Variants in ANK1 observed in about 807,000 individuals in gnomAD.
The protein encoded by ANK1 is ankyrin-1.
A neutral mutation model predicts 210.4 loss-of-function variants in ANK1; 51 were observed. The ratio of observed to expected loss-of-function variants is 0.24; its 90% CI spans 0.19 to 0.31. ANK1 has a LOEUF of 0.31. Ranked by LOEUF, ANK1 falls within the 10% of genes least tolerant of loss-of-function variation. ANK1 has a pLI of 1.00. For missense variants in ANK1, 2,051 were observed against 2,504.4 expected, an observed-to-expected ratio of 0.82 and a Z score of 3.86; for synonymous variants, 967 against 1,025.9, an observed-to-expected ratio of 0.94 and a Z score of 1.10.
chr8:41,870,819 G>T (rs940419212), intron 1 of ANK1, among the ~76,000 whole-genome samples: 1 of 152,206 alleles, frequency 6.6e-6, no homozygotes, highest in African/African-American at 2.4e-5. Context: ...GCTCCGCTTG[G>T]CACAGGAGCA....
chr8:41,671,088 C>T (rs1174086985), intron 38 of ANK1, among the ~76,000 whole-genome samples: 1 of 152,352 alleles, frequency 6.6e-6, no homozygotes, highest in East Asian at 1.9e-4. Flanking sequence ...TGAGCCGGTC[C>T]TCGGCCGCAG....
chr8:41,726,652 G>A (rs112847741), intron 5 of ANK1, among the ~76,000 whole-genome samples: 5 of 152,270 alleles, frequency 3.3e-5, no homozygotes, highest in Middle Eastern at 3.4e-3. Context: ...CTCCCAAAGC[G>A]GTTGGATTAT....
chr8:41,804,942 A>C (rs1196995294), intron 1 of ANK1, among the ~76,000 whole-genome samples: 1 of 152,054 alleles, frequency 6.6e-6, no homozygotes, highest in Non-Finnish European at 1.5e-5. Context: ...TCAAGGGTAA[A>C]CTCCCACTCA....
Position 41,653,575 on chromosome 8 carries a change from G to C in ANK1, c.*2215C>G, listed in dbSNP as rs1052499019. The C allele has an allele frequency of 2.0e-5, 3 of 153,206 alleles. No individual in the cohort carries two copies. The highest frequency in any genetic ancestry group is 7.2e-5 in the African/African-American group (3 of 41,598). 9.5% of individuals were successfully genotyped at this position (153,206 alleles called of 1,614,324 possible). On this transcript the variant is annotated 3_prime_UTR_variant, in exon 43 of 43. Coordinates refer to ENST00000289734, the MANE Select transcript of ANK1 (RefSeq NM_000037.4). ...GCGGGGGCGCTAAGGGGGCTACTGG[G>C]TTGGCTGCAGCAGCGACCTGGGAGA... is the stretch of plus-strand genomic sequence containing the variant.
chr8:41,696,374 TGCC>T lies in ANK1; in HGVS notation c.2946_2948del (p.Ala983del). 6.2e-7 allele frequency: 1 copy of T among 1,613,264 alleles called. No homozygotes were observed. Among genetic ancestry groups the T allele is most frequent in the Non-Finnish European group, 8.5e-7 (1 of 1,179,940 alleles). On this transcript the variant is annotated inframe_deletion, in exon 26 of 43. Coordinates refer to ENST00000289734, the MANE Select transcript of ANK1 (RefSeq NM_000037.4). ...CCGCGCAAGCTCACCTCAGGAACTG[TGCC>T]CCCGTGGGCCCCAGTGCTATGATCC...
At chr8:41,857,615 G>A (rs1489356454) in intron 1 of ANK1, among the ~76,000 whole-genome samples, 6 of 152,038 alleles carry the variant, frequency 3.9e-5, no homozygotes, top group African/African-American at 1.2e-4. Flanking sequence ...GCACATGCCT[G>A]TAATCCCAGC....
chr8:41,679,209 T>C (rs1038157537), intron 37 of ANK1, among the ~76,000 whole-genome samples: 4 of 152,254 alleles, frequency 2.6e-5, no homozygotes, highest in East Asian at 3.8e-4. Flanking sequence ...AATTGGATGC[T>C]GGACATTGCG....
At position 41,725,876 on chromosome 8, in the gene ANK1, T is replaced by A. The variant is rs150606173; in HGVS notation, c.497A>T (p.Tyr166Phe). The change falls in exon 6 of 43, where the codon TAC becomes TTC. Residue 166 changes from tyrosine to phenylalanine, a missense_variant. Tyr to Phe is a conservative substitution (Grantham distance 22). Transcript: ENST00000289734. ...GAGGCGCACCTTCCCCTTGGTGCCGTAGTTGATGAGGTGCGCGACGACGTT... is the reference window on the plus strand; with the variant it reads ...GAGGCGCACCTTCCCCTTGGTGCCGAAGTTGATGAGGTGCGCGACGACGTT... Reference protein sequence around the residue: ...HENVVAHLINYGTKGKVRLPA... With the variant: ...HENVVAHLINFGTKGKVRLPA... 6.7e-5 allele frequency: 108 copies of A among 1,613,352 alleles called. No individual in the cohort carries two copies. The highest frequency in any genetic ancestry group is 8.4e-5 in the Non-Finnish European group (99 of 1,179,918).
chr8:41,872,248 G>C (rs1338464355), intron 1 of ANK1, among the ~76,000 whole-genome samples: 2 of 152,238 alleles, frequency 1.3e-5, no homozygotes, highest in African/African-American at 4.8e-5. Context: ...CAGCCGAAGA[G>C]CAGCGTCCCC....
chr8:41,771,616 C>T lies in ANK1; in HGVS notation c.28-13479G>A, dbSNP rs547337322. On this transcript the variant is annotated intron_variant, in intron 1 of 42. Coordinates refer to ENST00000289734, the MANE Select transcript of ANK1 (RefSeq NM_000037.4). ...GTTCTAGCCTGTAGCTTCATGGAGT[C>T]TTCAGGCTTTTCCCGTCTTGCTAAA... is the stretch of plus-strand genomic sequence containing the variant. 5.3e-5 allele frequency among the ~76,000 whole-genome samples: 8 copies of T among 152,328 alleles called. No homozygotes were observed. The South Asian group carries it at 1.7e-3, about 32-fold the overall frequency.
chr8:41,836,891 G>A lies in ANK1; in HGVS notation c.126+59464C>T, dbSNP rs565093594. Among the ~76,000 whole-genome samples, 8 of 150,528 alleles carry A rather than the reference G, an allele frequency of 5.3e-5. No individual in the cohort carries two copies. The South Asian group carries it at 1.7e-3, about 32-fold the overall frequency. On this transcript the variant is annotated intron_variant, in intron 1 of 42. Transcript: ENST00000265709. Reference sequence around the variant, plus strand: ...GCTATGATTGCACCACTGCACTCCAGCCTGGGCAACAGAGTAAGAAGCTAT... The same window carrying A: ...GCTATGATTGCACCACTGCACTCCAACCTGGGCAACAGAGTAAGAAGCTAT...
At chr8:41,881,452 T>G (rs1320413751) in intron 1 of ANK1, among the ~76,000 whole-genome samples, 1 of 152,210 alleles carries the variant, frequency 6.6e-6, no homozygotes, top group Non-Finnish European at 1.5e-5. Flanking sequence ...TCTATGGGAT[T>G]GGTTCTGTTT....
At chr8:41,800,616 C>T (rs192780701), upstream of ANK1, among the ~76,000 whole-genome samples, 7 of 152,282 alleles carry the variant, frequency 4.6e-5, no homozygotes, top group East Asian at 3.9e-4. Context: ...GGGATTCCAT[C>T]GACCTCATGC....
intron 1 of ANK1, among the ~76,000 whole-genome samples, chr8:41,848,711 C>A (rs949082244): frequency 2.6e-5 from 4 of 152,230 alleles, no homozygotes; most frequent in Non-Finnish European, 2.9e-5. Context: ...TTGAAAATAG[C>A]CCCAGGTCTG....
At position 41,711,176 on chromosome 8, in the gene ANK1, A is replaced by G. The variant is rs1352856984; in HGVS notation, c.1801-2201T>C. ...TGCGATGCCGCAGATCCAGCCTGAG[A>G]TGCAGGGTCGGCTCAAAACAGAGCT... On this transcript the variant is annotated intron_variant, in intron 16 of 42. Transcript: ENST00000289734. Among the ~76,000 whole-genome samples, 3 of 152,248 alleles carry G rather than the reference A, an allele frequency of 2.0e-5. No individual in the cohort carries two copies. In the East Asian group the frequency reaches 5.8e-4, roughly 29 times the overall value.
chr8:41,679,758 G>T (rs1367992215), intron 37 of ANK1, among the ~76,000 whole-genome samples: 1 of 151,002 alleles, frequency 6.6e-6, no homozygotes, highest in African/African-American at 2.4e-5. Context: ...TAGAGACGGG[G>T]TTTCACCGTG....
At chr8:41,780,872 A>C (rs1371616369) in intron 1 of ANK1, among the ~76,000 whole-genome samples, 1 of 148,858 alleles carries the variant, frequency 6.7e-6, no homozygotes, top group East Asian at 2.0e-4. Context: ...AAAGAAACCA[A>C]GAGTGGGTCC....
At chr8:41,657,504 T>C (rs925613650) in intron 42 of ANK1, among the ~76,000 whole-genome samples, 5 of 152,252 alleles carry the variant, frequency 3.3e-5, no homozygotes, top group Admixed American at 3.3e-4. Flanking sequence ...GATGTCTGCA[T>C]ATTTCCCTGA....
chr8:41,798,243 C>A (rs1208205526), upstream of ANK1, among the ~76,000 whole-genome samples: 1 of 152,080 alleles, frequency 6.6e-6, no homozygotes, highest in Non-Finnish European at 1.5e-5. Flanking sequence ...CGGGGAGCCT[C>A]CCGAAGCGCG....
Sources: allele counts gnomAD v4.1 joint callset (sites outside exome capture counted in the v4.1 genomes callset), GRCh38; gene constraint gnomAD v4.1.1; transcripts MANE v1.5; gene names NCBI Gene and HGNC (gene_info 2026-07-23, HGNC 2026-07-21).